PSMA6: variants seen among roughly 807,000 people sequenced by gnomAD.
The protein encoded by PSMA6 is proteasome 20S subunit alpha 6, also known as proteasome subunit alpha type-6.
For missense variants in PSMA6, 170 were observed against 294.8 expected, an observed-to-expected ratio of 0.58 and a Z score of 3.10; for synonymous variants, 88 against 97.7, an observed-to-expected ratio of 0.90 and a Z score of 0.59.
At chr14:35,310,367 G>T (rs2051920550) in intron 3 of PSMA6, 25 of 344,240 alleles carry the variant, frequency 7.3e-5, no homozygotes, top group South Asian at 5.2e-4. Flanking sequence ...TGTTGGCCAG[G>T]CTGGTCTCAA....
In PSMA6 at chr14:35,292,460, G is replaced by T. The variant is rs2051502864; in HGVS notation, c.-17G>T. The T allele has an allele frequency of 1.2e-6, 2 of 1,612,050 alleles. No individual in the cohort carries two copies. Among genetic ancestry groups the T allele is most frequent in the South Asian group, 2.2e-5 (2 of 90,910 alleles). On this transcript the variant is annotated 5_prime_UTR_variant, in exon 1 of 7. Coordinates refer to ENST00000261479, the MANE Select transcript of PSMA6 (RefSeq NM_002791.3). ...ACGGGGCCCAGGGATTGTGTTTAAA[G>T]TAGTGCTTCTACCAACATGTCCCGT...
chr14:35,310,700 TC>T (rs563115296), intron 3 of PSMA6, 39 bp from the exon 4 acceptor site: 1 of 1,606,060 alleles, frequency 6.2e-7, no homozygotes, highest in South Asian at 1.1e-5. Flanking sequence ...GTTTGTTCTT[TC>T]CTTCTAACCA....
At chr14:35,296,580 C>T (rs919153135) in intron 1 of PSMA6, among the ~76,000 whole-genome samples, 14 of 152,084 alleles carry the variant, frequency 9.2e-5, no homozygotes, top group African/African-American at 2.4e-4. Context: ...CTGCCCACCT[C>T]GGCCTCCCAA....
intron 4 of PSMA6, among the ~76,000 whole-genome samples, chr14:35,312,190 C>T (rs1197565785): frequency 7.4e-6 from 1 of 135,674 alleles, no homozygotes; most frequent in African/African-American, 2.8e-5. Flanking sequence ...ACAGCGAGTC[C>T]TCGTCTCCTA....
intron 1 of PSMA6, among the ~76,000 whole-genome samples, chr14:35,298,782 G>A (rs900776157): frequency 6.6e-6 from 1 of 152,062 alleles, no homozygotes; most frequent in Non-Finnish European, 1.5e-5. Context: ...TGCCCAGGCT[G>A]GAGTACAGTG....
At chr14:35,310,096 T>G in intron 3 of PSMA6, 1 of 370,752 alleles carries the variant, frequency 2.7e-6, no homozygotes, top group Non-Finnish European at 5.2e-6. Context: ...GATGGCTCAC[T>G]GGGTGCCAGT....
At chr14:35,296,951 T>G in intron 1 of PSMA6, among the ~76,000 whole-genome samples, 1 of 147,478 alleles carries the variant, frequency 6.8e-6, no homozygotes, top group African/African-American at 2.5e-5. Flanking sequence ...CCCCTCTCTT[T>G]CCCCCTCCCC....
chr14:35,294,113 C>G (rs2051536538), intron 1 of PSMA6, among the ~76,000 whole-genome samples: 1 of 152,216 alleles, frequency 6.6e-6, no homozygotes, highest in Non-Finnish European at 1.5e-5. Flanking sequence ...GGCGCGATCT[C>G]GGCTCCCCGC....
intron 1 of PSMA6, among the ~76,000 whole-genome samples, chr14:35,282,996 C>T (rs957693585): frequency 2.0e-5 from 3 of 151,984 alleles, no homozygotes; most frequent in Non-Finnish European, 4.4e-5. Context: ...GCGTGCACCA[C>T]CACACCCAGC....
chr14:35,296,757 C>A (rs1347391246), intron 1 of PSMA6, among the ~76,000 whole-genome samples: 1 of 152,168 alleles, frequency 6.6e-6, no homozygotes, highest in East Asian at 1.9e-4. Context: ...AAAAAATATT[C>A]TTATTTCAAA....
chr14:35,282,632 C>G (rs1463732582), intron 1 of PSMA6, among the ~76,000 whole-genome samples: 1 of 152,056 alleles, frequency 6.6e-6, no homozygotes, highest in African/African-American at 2.4e-5. Flanking sequence ...AGGAGGATTT[C>G]TTGCATCTAG....
rs71445906 is a variant in PSMA6, at chr14:35,299,327, C to CT, written c.76+6788dup. On this transcript the variant is annotated intron_variant, in intron 1 of 6. Transcript: ENST00000261479. ...TGTGAGCCGCCGCAGTGCCCAGCCT[C>CT]TTTTTTTTTTTTTGAGATGGAGTCT... Among the ~76,000 whole-genome samples the CT allele has an allele frequency of 6.8e-4, 45 of 66,000 alleles. 4 individuals are homozygous for CT. The highest frequency in any genetic ancestry group is 5.1e-3 in the Admixed American group (22 of 4,336). The allele number at this position is 66,000 out of a possible 152,430, so 43.3% of individuals were successfully genotyped here.
At chr14:35,283,598 C>T (rs1164524745) in intron 1 of PSMA6, among the ~76,000 whole-genome samples, 4 of 149,208 alleles carry the variant, frequency 2.7e-5, no homozygotes, top group African/African-American at 9.9e-5. Context: ...CTCTGTTGCC[C>T]AGGCTGGAGT....
At chr14:35,287,498 T>G (rs761229464), upstream of PSMA6, among the ~76,000 whole-genome samples, 1 of 152,156 alleles carries the variant, frequency 6.6e-6, no homozygotes, top group South Asian at 2.1e-4. Context: ...ATCTTGCCTT[T>G]AAACACCATG....
Position 35,303,682 on chromosome 14 carries a change from C to G in PSMA6, c.77-4312C>G, listed in dbSNP as rs138219198. ...ATATCAGGATCAGAATCAAGAAGCA[C>G]TTTGAAAGTTGTACAGCTAGTCCTC... On this transcript the variant is annotated intron_variant, in intron 1 of 6. Coordinates refer to ENST00000261479, the MANE Select transcript of PSMA6 (RefSeq NM_002791.3). Among the ~76,000 whole-genome samples the G allele has an allele frequency of 8.5e-3, 1,289 of 152,264 alleles. 24 individuals are homozygous for G. The highest frequency in any genetic ancestry group is 0.029 in the African/African-American group (1,187 of 41,546).
At chr14:35,295,482 G>A (rs769734135) in intron 1 of PSMA6, among the ~76,000 whole-genome samples, 2 of 147,628 alleles carry the variant, frequency 1.4e-5, no homozygotes, top group African/African-American at 5.0e-5. Context: ...ACAGAGTTGC[G>A]CTCTTGTTGC....
intron 2 of PSMA6, 143 bp from the exon 3 acceptor site, chr14:35,308,771 A>G (rs1440900346): frequency 5.1e-6 from 3 of 592,006 alleles, no homozygotes; most frequent in Admixed American, 3.4e-5. Context: ...ATCAGAAGAC[A>G]TTTATTATAC....
At chr14:35,299,340 T>TTTTTTTTTTTTTTTTA (rs58003629) in intron 1 of PSMA6, among the ~76,000 whole-genome samples, 5 of 142,812 alleles carry the variant, frequency 3.5e-5, no homozygotes, top group Admixed American at 1.4e-4. Flanking sequence ...TTTTTTTTTT[T>TTTTTTTTTTTTTTTTA]GAGATGGAGT....
In PSMA6 at chr14:35,317,246, T is replaced by C. The variant is rs200193928; in HGVS notation, c.684-3T>C. The C allele has an allele frequency of 7.0e-5, 113 of 1,612,648 alleles. 1 individual carries two copies. Among genetic ancestry groups the C allele is most frequent in the Non-Finnish European group, 9.1e-5 (107 of 1,178,946 alleles). On this transcript the variant is annotated splice_region_variant and splice_polypyrimidine_tract_variant and intron_variant, in intron 6 of 6. Transcript: ENST00000261479. ...TTGTTTTTTTCCCCCTTTTGCCTTCTAGGATTCTTACAGAAGCAGAGATTG... is the reference window on the plus strand; with the variant it reads ...TTGTTTTTTTCCCCCTTTTGCCTTCCAGGATTCTTACAGAAGCAGAGATTG...
Sources: gnomAD v4.1 joint callset for allele counts (sites outside exome capture counted in the v4.1 genomes callset) on GRCh38, gnomAD v4.1.1 for gene constraint, MANE v1.5 for transcripts, NCBI Gene and HGNC (gene_info 2026-07-23, HGNC 2026-07-21) for gene names.